KCTD2: variants seen among roughly 807,000 people sequenced by gnomAD.
KCTD2 encodes potassium channel tetramerization domain containing 2, also known as BTB/POZ domain-containing protein KCTD2.
A neutral mutation model predicts 27.9 loss-of-function variants in KCTD2; 18 were observed. The observed-to-expected ratio is 0.64, with a 90% confidence interval of 0.45 to 0.96. KCTD2 has a LOEUF of 0.96. Ranked by LOEUF, KCTD2 falls within the 40% of genes least tolerant of loss-of-function variation. The pLI, the probability that KCTD2 is intolerant of heterozygous loss-of-function variation, is 0.00. For synonymous variants in KCTD2, 175 were observed against 148.4 expected, an observed-to-expected ratio of 1.18 and a Z score of -1.30; for missense variants, 280 against 348.0, an observed-to-expected ratio of 0.80 and a Z score of 1.56.
intron 3 of KCTD2, among the ~76,000 whole-genome samples, chr17:75,054,954 AT>A (rs2073334674): frequency 6.6e-6 from 1 of 152,292 alleles, no homozygotes; most frequent in East Asian, 1.9e-4. Flanking sequence ...GTGTTGTAGC[AT>A]AATTGCCTCT....
chr17:75,054,303 G>A (rs1199590005), intron 3 of KCTD2, among the ~76,000 whole-genome samples: 1 of 152,074 alleles, frequency 6.6e-6, no homozygotes, highest in Non-Finnish European at 1.5e-5. Flanking sequence ...GTGAGCTACC[G>A]CACCTGGCCT....
At chr17:75,033,618 C>T (rs111347972) in intron 1 of KCTD2, among the ~76,000 whole-genome samples, 1,854 of 152,306 alleles carry the variant, frequency 0.012, 37 homozygotes, top group African/African-American at 0.043. Context: ...AGGAAGGAAA[C>T]TCCTCCAAAC....
At chr17:75,045,208 A>G (rs1040961834), upstream of KCTD2, among the ~76,000 whole-genome samples, 3 of 152,198 alleles carry the variant, frequency 2.0e-5, no homozygotes, top group Non-Finnish European at 2.9e-5. Context: ...GTATACGAAT[A>G]GGTGTGGGTG....
intron 3 of KCTD2, among the ~76,000 whole-genome samples, chr17:75,053,352 G>T (rs186200253): frequency 4.6e-5 from 7 of 152,116 alleles, no homozygotes; most frequent in Admixed American, 1.3e-4. Context: ...GGGAGGAGGC[G>T]CCCAGGGCAC....
chr17:75,056,216 G>A (rs540192201), intron 3 of KCTD2, among the ~76,000 whole-genome samples: 1 of 152,300 alleles, frequency 6.6e-6, no homozygotes, highest in East Asian at 1.9e-4. Flanking sequence ...GTTCAAAGGT[G>A]GCTTTGTAGT....
At chr17:75,046,400 A>G (rs1242360815), upstream of KCTD2, among the ~76,000 whole-genome samples, 1 of 152,110 alleles carries the variant, frequency 6.6e-6, no homozygotes, top group Non-Finnish European at 1.5e-5. Flanking sequence ...TTTAATTCTT[A>G]AAAATCTATT....
At chr17:75,054,762 G>A (rs899990235) in intron 3 of KCTD2, among the ~76,000 whole-genome samples, 2 of 150,620 alleles carry the variant, frequency 1.3e-5, no homozygotes, top group South Asian at 4.2e-4. Context: ...AGCCAAGATC[G>A]CACCACTGCA....
intron 3 of KCTD2, chr17:75,041,816 T>C (rs1040889676): frequency 1.7e-5 from 3 of 172,744 alleles, no homozygotes; most frequent in Non-Finnish European, 3.7e-5. Flanking sequence ...TAGCGCGTTA[T>C]GCCGATCGGG....
chr17:75,045,405 G>A (rs924093141), upstream of KCTD2, among the ~76,000 whole-genome samples: 1 of 152,188 alleles, frequency 6.6e-6, no homozygotes, highest in Middle Eastern at 3.2e-3. Flanking sequence ...AAATTTATTA[G>A]GTGGGAATTT....
rs1396686188 is a variant in KCTD2, at chr17:75,038,716, T to A, written c.-259+3359T>A. 1.8e-5 allele frequency: 9 copies of A among 511,764 alleles called. No homozygotes were observed. In the East Asian group the frequency reaches 3.0e-4, roughly 17 times the overall value. 31.7% of individuals were successfully genotyped at this position (511,764 alleles called of 1,614,324 possible). A position where few individuals can be genotyped will look rare whatever the true frequency, so the allele number is the denominator to read the frequency against. ...TCAGCAGTCCTGGGGCCTCAGTAAG[T>A]GGCGCCTACACAGCCCGTCAGACAA... is the stretch of plus-strand genomic sequence containing the variant. On this transcript the variant is annotated intron_variant, in intron 3 of 7. Transcript: ENST00000581589.
chr17:75,040,059 ATT>A (rs2073143381), intron 3 of KCTD2: 1 of 1,611,496 alleles, frequency 6.2e-7, no homozygotes, highest in African/African-American at 1.3e-5. Flanking sequence ...GATCAAGAGA[ATT>A]TTAGAATAAG....
At chr17:75,033,392 A>T (rs1281834111) in intron 1 of KCTD2, among the ~76,000 whole-genome samples, 5 of 152,116 alleles carry the variant, frequency 3.3e-5, no homozygotes, top group Admixed American at 6.6e-5. Flanking sequence ...CTATACTTGT[A>T]GTATCTAGTA....
At chr17:75,035,771 T>G (rs1301805130) in intron 3 of KCTD2, among the ~76,000 whole-genome samples, 1 of 152,094 alleles carries the variant, frequency 6.6e-6, no homozygotes, top group African/African-American at 2.4e-5. Flanking sequence ...AGGCCGAGGT[T>G]GCAGTGAGCC....
chr17:75,057,414 A>G (rs888788045), intron 3 of KCTD2, among the ~76,000 whole-genome samples: 2 of 152,132 alleles, frequency 1.3e-5, no homozygotes, highest in East Asian at 1.9e-4. Context: ...CTTTTGTGAT[A>G]CTCTGAATTT....
At chr17:75,036,503 C>G (rs1032362261) in intron 3 of KCTD2, among the ~76,000 whole-genome samples, 4 of 152,158 alleles carry the variant, frequency 2.6e-5, no homozygotes, top group Non-Finnish European at 5.9e-5. Flanking sequence ...AATAAAAGTA[C>G]CCCCTTCCCA....
upstream of KCTD2, among the ~76,000 whole-genome samples, chr17:75,043,616 A>G (rs1392783104): frequency 6.6e-6 from 1 of 151,720 alleles, no homozygotes; most frequent in East Asian, 1.9e-4. Context: ...TGTCTCAAAA[A>G]AAAAAAAAAA....
At chr17:75,061,596 G>C (rs1386242311) in intron 4 of KCTD2, among the ~76,000 whole-genome samples, 2 of 152,178 alleles carry the variant, frequency 1.3e-5, no homozygotes, top group Admixed American at 6.5e-5. Context: ...GCTACAGTGA[G>C]CTGTGATTGC....
At chr17:75,048,577 T>G (rs1342697464) in intron 1 of KCTD2, among the ~76,000 whole-genome samples, 1 of 152,228 alleles carries the variant, frequency 6.6e-6, no homozygotes, top group East Asian at 1.9e-4. Context: ...ATCTACTCTA[T>G]ATCCTCCTTG....
At chr17:75,062,728 ACACACACAC>A (rs1418686726) in intron 5 of KCTD2, among the ~76,000 whole-genome samples, 1 of 151,210 alleles carries the variant, frequency 6.6e-6, no homozygotes, top group African/African-American at 2.4e-5. Flanking sequence ...ACACACACAC[ACACACACAC>A]ACACACAGCT....
Sources: allele counts gnomAD v4.1 joint callset (sites outside exome capture counted in the v4.1 genomes callset), GRCh38; gene constraint gnomAD v4.1.1; transcripts MANE v1.5; gene names NCBI Gene and HGNC (gene_info 2026-07-23, HGNC 2026-07-21).